DLGAP3: variants seen among roughly 807,000 people sequenced by gnomAD.
DLGAP3 encodes the protein DLG associated protein 3, also known as disks large-associated protein 3.
A neutral mutation model predicts 81.2 loss-of-function variants in DLGAP3; 17 were observed. The ratio of observed to expected loss-of-function variants is 0.21; its 90% confidence interval spans 0.14 to 0.31. The LOEUF is 0.31. Among genes scored for constraint, DLGAP3 ranks in the 10% least tolerant of loss-of-function variants. DLGAP3 has a pLI of 1.00. For synonymous variants in DLGAP3, 577 were observed against 587.4 expected (o/e 0.98, Z 0.26); for missense variants, 1,124 against 1,388.0 (o/e 0.81, Z 3.02).
At position 34,885,682 on chromosome 1, in the gene DLGAP3, C is replaced by A. The variant is rs752336194; in HGVS notation, c.1710G>T (p.Thr570=). 7 of 1,408,200 alleles carry A rather than the reference C, an allele frequency of 5.0e-6. No individual in the cohort carries two copies. The highest frequency in any genetic ancestry group is 3.0e-5 in the African/African-American group (2 of 66,042). 87.2% of individuals were successfully genotyped at this position (1,408,200 alleles called of 1,614,324 possible). A position where few individuals can be genotyped will look rare whatever the true frequency, so the allele number is the denominator to read the frequency against. ...SSTDSAHESF[T]AAEGPARRCS... is the part of the protein sequence containing the mutation. ...AGCGCCGGGCGGGGCCCTCGGCCGC[C>A]GTGAAGCTCTCGTGCGCGGAGTCGG... Residue 570 remains threonine (T), a synonymous_variant, in exon 7 of 12, where the codon ACG becomes ACT. Transcript: ENST00000373347.
At position 34,904,495 on chromosome 1, in the gene DLGAP3, G is replaced by T. The variant is rs774846562; in HGVS notation, c.889C>A (p.Arg297=). ...FCLEGPDGSY[R]DLSFKGRSGG... ...GAGCGCCCCTTGAAGCTCAAGTCCC[G>T]GTAGGACCCATCTGGACCCTCCAGG... The change falls in exon 3 of 12, where the codon CGG becomes AGG. Residue 297 remains arginine, a synonymous_variant. Coordinates refer to ENST00000373347, the MANE Select transcript of DLGAP3 (RefSeq NM_001080418.3). This position sits in a 1 kb window ranked among gnomAD's most constrained non-coding sequence, Gnocchi z 8.1. 1 of 1,614,206 alleles carries T rather than the reference G, an allele frequency of 6.2e-7. No individual in the cohort carries two copies. Among genetic ancestry groups the T allele is most frequent in the South Asian group, 1.1e-5 (1 of 91,090 alleles).
chr1:34,881,646 C>G (rs568577981), intron 8 of DLGAP3, among the ~76,000 whole-genome samples: 1 of 152,022 alleles, frequency 6.6e-6, no homozygotes, highest in South Asian at 2.1e-4. Context: ...TAAGACACTA[C>G]TGAGGCCCTG....
intron 5 of DLGAP3, among the ~76,000 whole-genome samples, chr1:34,896,486 G>T (rs1398831432): frequency 6.6e-6 from 1 of 152,058 alleles, no homozygotes; most frequent in African/African-American, 2.4e-5. Flanking sequence ...TTATTCGGGA[G>T]GCTGAGGCAG....
At chr1:34,887,201 C>T (rs911431772) in intron 5 of DLGAP3, among the ~76,000 whole-genome samples, 4 of 151,842 alleles carry the variant, frequency 2.6e-5, no homozygotes, top group Admixed American at 6.6e-5. Flanking sequence ...ATAATCTGCC[C>T]GTCTCGGCCT....
At chr1:34,890,820 C>G (rs762097121) in intron 5 of DLGAP3, among the ~76,000 whole-genome samples, 1 of 152,208 alleles carries the variant, frequency 6.6e-6, no homozygotes, top group Non-Finnish European at 1.5e-5. Context: ...CACTCAGATT[C>G]CTGATCCACA....
Position 34,865,947 on chromosome 1 carries a change from G to A in DLGAP3, c.*136C>T, listed in dbSNP as rs1569584688. On this transcript the variant is annotated 3_prime_UTR_variant, in exon 12 of 12. Coordinates refer to ENST00000373347, the MANE Select transcript of DLGAP3 (RefSeq NM_001080418.3). Reference sequence around the variant, plus strand: ...GGTAAAAAACCCACGAGAGTGTGACGGGCCCGGGGGCCGGGGCGTCCGGTG... The same window carrying A: ...GGTAAAAAACCCACGAGAGTGTGACAGGCCCGGGGGCCGGGGCGTCCGGTG... 2.6e-6 allele frequency: 2 copies of A among 779,268 alleles called. No homozygotes were observed. Among genetic ancestry groups the A allele is most frequent in the African/African-American group, 3.6e-5 (2 of 56,200 alleles). 48.3% of individuals were successfully genotyped at this position (779,268 alleles called of 1,614,324 possible).
chr1:34,880,056 C>A (rs1639122621), intron 8 of DLGAP3, among the ~76,000 whole-genome samples: 1 of 152,046 alleles, frequency 6.6e-6, no homozygotes, highest in African/African-American at 2.4e-5. Flanking sequence ...TCTTTCCCCC[C>A]CTTTTCTTTC....
intron 3 of DLGAP3, among the ~76,000 whole-genome samples, chr1:34,901,917 T>C (rs1473139984): frequency 6.6e-6 from 1 of 152,152 alleles, no homozygotes; most frequent in Non-Finnish European, 1.5e-5. Flanking sequence ...GTAAAAATAG[T>C]CTTTAAACCT....
chr1:34,874,280 A>G (rs1468237176), intron 8 of DLGAP3, among the ~76,000 whole-genome samples: 8 of 152,192 alleles, frequency 5.3e-5, no homozygotes, highest in Non-Finnish European at 1.0e-4. Context: ...ATTTCCTCTA[A>G]GTAAGAGAGA....
chr1:34,903,262 C>T (rs1639489882), intron 3 of DLGAP3, among the ~76,000 whole-genome samples: 1 of 152,130 alleles, frequency 6.6e-6, no homozygotes, highest in Non-Finnish European at 1.5e-5. Context: ...CCCAAGATGC[C>T]CAGGGCTCTC....
chr1:34,877,749 T>A (rs927011401), intron 8 of DLGAP3, among the ~76,000 whole-genome samples: 2 of 152,214 alleles, frequency 1.3e-5, no homozygotes, highest in Non-Finnish European at 2.9e-5. Context: ...TAGGAAAATA[T>A]GAAATTAAGT....
intron 8 of DLGAP3, among the ~76,000 whole-genome samples, chr1:34,874,018 C>T (rs1473366868): frequency 1.3e-5 from 2 of 152,184 alleles, no homozygotes; most frequent in Admixed American, 1.3e-4. Flanking sequence ...AAGTTCTAGC[C>T]CATGAGATAA....
intron 8 of DLGAP3, among the ~76,000 whole-genome samples, chr1:34,875,874 G>T (rs555080903): frequency 1.3e-5 from 2 of 152,264 alleles, no homozygotes; most frequent in African/African-American, 4.8e-5. Flanking sequence ...TCATCCTTCG[G>T]ATCTCCACCC....
At position 34,904,905 on chromosome 1, in the gene DLGAP3, G is replaced by T; in HGVS notation, c.479C>A (p.Pro160Gln). Residue 160 changes from proline (P) to glutamine (Q), a missense_variant, in exon 3 of 12, where the codon CCA becomes CAA. Around this residue, in one of 9 missense-constraint regions of DLGAP3, gnomAD observed 65 missense variants for 78.2 expected, o/e 0.83. Transcript: ENST00000373347. The surrounding 1 kb of genome is among the most constrained non-coding windows in gnomAD (Gnocchi z 8.1). ...GCTAGGGCTCTCACTGCGGGGCTCT[G>T]GGGCAGTGCCCGTCCCTGGCGCTGG... is the stretch of plus-strand genomic sequence containing the variant. ...PGPAPGTGTAPEPRSESPSRI... is the reference protein window; with the variant it reads ...PGPAPGTGTAQEPRSESPSRI... 6.2e-7 allele frequency: 1 copy of T among 1,611,600 alleles called. No homozygotes were observed.
rs1247886944 is a variant in DLGAP3, at chr1:34,895,202, C to G, written c.1386+4467G>C. Among the ~76,000 whole-genome samples, 1 of 151,868 alleles carries G rather than the reference C, an allele frequency of 6.6e-6. No individual in the cohort carries two copies. The highest frequency in any genetic ancestry group is 2.4e-5 in the African/African-American group (1 of 41,352). On this transcript the variant is annotated intron_variant, in intron 5 of 11. Coordinates refer to ENST00000373347, the MANE Select transcript of DLGAP3 (RefSeq NM_001080418.3). This position sits in a 1 kb window ranked among gnomAD's most constrained non-coding sequence, Gnocchi z 4.5. The stretch of plus-strand genomic sequence containing the variant: ...CTAACACGGTGAAACCCCGTCTGTA[C>G]TAAAAATACAAAAAAATTAGCCAGG...
intron 1 of DLGAP3, among the ~76,000 whole-genome samples, chr1:34,915,079 A>G (rs1351328466): frequency 2.0e-5 from 3 of 152,180 alleles, no homozygotes; most frequent in Non-Finnish European, 4.4e-5. Flanking sequence ...CAGCAACCTC[A>G]TAGCTGGGTA....
In DLGAP3 at chr1:34,886,211, C is replaced by G. The variant is rs768084834; in HGVS notation, c.1461G>C (p.Val487=). 1.9e-6 allele frequency: 3 copies of G among 1,611,496 alleles called. No homozygotes were observed. In the Admixed American group the frequency reaches 5.0e-5, roughly 27 times the overall value. Residue 487 remains valine, a synonymous_variant, in exon 6 of 12, where the codon GTG becomes GTC. Coordinates refer to ENST00000373347, the MANE Select transcript of DLGAP3 (RefSeq NM_001080418.3). ...AACAGCCGGGCAGGTCCAGGGCGTCCACGGCCTGGGACTCCAGCTCCCCAA... is the reference window on the plus strand; with the variant it reads ...AACAGCCGGGCAGGTCCAGGGCGTCGACGGCCTGGGACTCCAGCTCCCCAA... ...SVFGELESQA[V]DALDLPGCFR... is the part of the protein sequence containing the mutation.
At chr1:34,888,374 T>G (rs894642729) in intron 5 of DLGAP3, among the ~76,000 whole-genome samples, 2 of 152,128 alleles carry the variant, frequency 1.3e-5, no homozygotes, top group African/African-American at 4.8e-5. Context: ...AAAACTGAAA[T>G]TAAATGTCAT....
Position 34,895,831 on chromosome 1 carries a change from T to A in DLGAP3, c.1386+3838A>T, listed in dbSNP as rs1639371469. Reference sequence around the variant, plus strand: ...GGGCCAAGAAATTTCAATGAGGACATAAAAGCCTTTTCAACAAATGATGCT... The same window carrying A: ...GGGCCAAGAAATTTCAATGAGGACAAAAAAGCCTTTTCAACAAATGATGCT... On this transcript the variant is annotated intron_variant, in intron 5 of 11. Transcript: ENST00000373347. This position sits in a 1 kb window ranked among gnomAD's most constrained non-coding sequence, Gnocchi z 4.5. Among the ~76,000 whole-genome samples the A allele has an allele frequency of 6.6e-6, 1 of 151,890 alleles. No individual in the cohort carries two copies. The highest frequency in any genetic ancestry group is 1.5e-5 in the Non-Finnish European group (1 of 67,996).
Sources: allele counts gnomAD v4.1 joint callset (sites outside exome capture counted in the v4.1 genomes callset), GRCh38; gene constraint gnomAD v4.1.1; regional missense constraint gnomAD v4.1.1; non-coding constraint Gnocchi (gnomAD v3.1); transcripts MANE v1.5; gene names NCBI Gene and HGNC (gene_info 2026-07-23, HGNC 2026-07-21).